Variants in NCKAP5 observed in about 807,000 individuals in gnomAD.
The protein encoded by NCKAP5 is nck-associated protein 5.
In NCKAP5, 92 loss-of-function variants were observed where a neutral mutation model predicts 167.0. The observed-to-expected ratio is 0.55, with a 90% CI of 0.47 to 0.66. The LOEUF (loss-of-function observed/expected upper bound fraction) is 0.66. Ranked by LOEUF, NCKAP5 falls within the 30% of genes least tolerant of loss-of-function variation. The pLI, the probability that NCKAP5 is intolerant of heterozygous loss-of-function variation, is 0.00. For synonymous variants in NCKAP5, 891 were observed against 877.4 expected (o/e 1.02, Z -0.27); for missense variants, 2,378 against 2,315.0 (o/e 1.03, Z -0.56).
At chr2:132,994,699 T>A (rs1487339369) in intron 6 of NCKAP5, among the ~76,000 whole-genome samples, 5 of 152,252 alleles carry the variant, frequency 3.3e-5, no homozygotes, top group African/African-American at 4.8e-5. Context: ...ATTTACTTCA[T>A]TCTTCTCAAC....
chr2:133,015,588 T>C (rs947361453), intron 6 of NCKAP5, among the ~76,000 whole-genome samples: 1 of 152,220 alleles, frequency 6.6e-6, no homozygotes, highest in Non-Finnish European at 1.5e-5. Context: ...AGTGAGCATG[T>C]TGAATGTGCA....
At chr2:133,553,430 C>CGTCA (rs1470350254) in intron 2 of NCKAP5, among the ~76,000 whole-genome samples, 2 of 152,084 alleles carry the variant, frequency 1.3e-5, no homozygotes, top group African/African-American at 4.8e-5. Flanking sequence ...TTTTTAATGT[C>CGTCA]GTCAGCCCAA....
intron 19 of NCKAP5, among the ~76,000 whole-genome samples, chr2:132,684,633 A>G (rs1685691863): frequency 6.6e-6 from 1 of 152,190 alleles, no homozygotes; most frequent in Non-Finnish European, 1.5e-5. Context: ...TGTATTATAA[A>G]CTGCCTTTTG....
chr2:132,763,951 G>A (rs1330016060), intron 16 of NCKAP5, among the ~76,000 whole-genome samples: 1 of 152,142 alleles, frequency 6.6e-6, no homozygotes, highest in Non-Finnish European at 1.5e-5. Context: ...ATAGAATTTA[G>A]CTCCCTGGTG....
At chr2:132,803,560 T>C (rs1685199788) in intron 11 of NCKAP5, among the ~76,000 whole-genome samples, 1 of 152,210 alleles carries the variant, frequency 6.6e-6, no homozygotes. Context: ...GGTTTGGTGA[T>C]TAGAAAGTTT....
intron 19 of NCKAP5, among the ~76,000 whole-genome samples, chr2:132,699,919 T>G (rs977751361): frequency 3.3e-5 from 5 of 152,228 alleles, no homozygotes; most frequent in African/African-American, 1.2e-4. Flanking sequence ...ACTTCCACAA[T>G]GGTTGAACTA....
chr2:133,423,000 AATT>A (rs1689579447), intron 3 of NCKAP5, among the ~76,000 whole-genome samples: 2 of 152,124 alleles, frequency 1.3e-5, no homozygotes. Flanking sequence ...GGTATATTTG[AATT>A]GCAAAACACA....
chr2:133,308,689 C>CTTTTTTTTTTTTTTTTT (rs35760716), intron 3 of NCKAP5, among the ~76,000 whole-genome samples: 1 of 59,254 alleles, frequency 1.7e-5, no homozygotes, highest in African/African-American at 6.3e-5. Flanking sequence ...AAATACAATT[C>CTTTTTTTTTTTTTTTTT]TTTTTTTTTT....
chr2:133,332,341 A>T (rs1682912208), intron 3 of NCKAP5, among the ~76,000 whole-genome samples: 1 of 151,984 alleles, frequency 6.6e-6, no homozygotes, highest in African/African-American at 2.4e-5. Flanking sequence ...AGAATCCAAC[A>T]CTCCAATGCA....
intron 17 of NCKAP5, among the ~76,000 whole-genome samples, chr2:132,730,061 G>T (rs751954044): frequency 3.3e-5 from 5 of 152,178 alleles, no homozygotes; most frequent in Non-Finnish European, 5.9e-5. Flanking sequence ...GCACTGGAAA[G>T]TAGGCCCTGC....
At chr2:133,303,619 T>C (rs573147497) in intron 3 of NCKAP5, among the ~76,000 whole-genome samples, 1 of 151,208 alleles carries the variant, frequency 6.6e-6, no homozygotes, top group Admixed American at 6.6e-5. Context: ...ACTCCATATA[T>C]ACACACAAAA....
chr2:133,644,948 A>C, the NCKAP5 span, among the ~76,000 whole-genome samples: 1 of 152,230 alleles, frequency 6.6e-6, no homozygotes, highest in Non-Finnish European at 1.5e-5. Context: ...AAAATGAGAA[A>C]TCTATGACCA....
At chr2:132,740,100 C>A (rs1156324119) in intron 16 of NCKAP5, among the ~76,000 whole-genome samples, 1 of 152,120 alleles carries the variant, frequency 6.6e-6, no homozygotes, top group African/African-American at 2.4e-5. Context: ...TTCCCCTCTG[C>A]AACCCTCATT....
At chr2:133,232,388 G>C (rs1213884734) in intron 4 of NCKAP5, among the ~76,000 whole-genome samples, 1 of 152,128 alleles carries the variant, frequency 6.6e-6, no homozygotes. Flanking sequence ...ATATATTTCT[G>C]CTTTGGAGAA....
At chr2:133,613,885 C>T in the NCKAP5 span, among the ~76,000 whole-genome samples, 1 of 152,204 alleles carries the variant, frequency 6.6e-6, no homozygotes, top group Non-Finnish European at 1.5e-5. Flanking sequence ...GAAAACAGTA[C>T]TCCTTTTCCT....
chr2:133,609,395 T>C, the NCKAP5 span, among the ~76,000 whole-genome samples: 3 of 152,224 alleles, frequency 2.0e-5, no homozygotes, highest in Non-Finnish European at 2.9e-5. Context: ...GAAAGTCACA[T>C]GAGTTTAATT....
At chr2:132,688,409 CA>C (rs1021790334) in intron 19 of NCKAP5, among the ~76,000 whole-genome samples, 4 of 152,078 alleles carry the variant, frequency 2.6e-5, no homozygotes, top group East Asian at 1.9e-4. Flanking sequence ...CAAAAACACA[CA>C]AAAAAATCAA....
At chr2:133,453,115 T>C (rs1434296889) in intron 3 of NCKAP5, among the ~76,000 whole-genome samples, 2 of 152,250 alleles carry the variant, frequency 1.3e-5, no homozygotes, top group East Asian at 3.9e-4. Flanking sequence ...ACTTGAAGTG[T>C]TTTATTGTCT....
Position 132,889,869 on chromosome 2 carries a change from C to G in NCKAP5, c.580-10953G>C, listed in dbSNP as rs1021023178. On this transcript the variant is annotated intron_variant, in intron 8 of 19. Transcript: ENST00000409261. ...TAAATAAATAAAATAACAAACTGAT[C>G]ATATGCAAATGAAACAGGTAGAAAT... 2.6e-5 allele frequency among the ~76,000 whole-genome samples: 4 copies of G among 152,172 alleles called. 1 individual carries two copies. Among genetic ancestry groups the G allele is most frequent in the Admixed American group, 2.6e-4 (4 of 15,282 alleles).
Sources: gnomAD v4.1 joint callset for allele counts (sites outside exome capture counted in the v4.1 genomes callset) on GRCh38, gnomAD v4.1.1 for gene constraint, MANE v1.5 for transcripts, NCBI Gene and HGNC (gene_info 2026-07-23, HGNC 2026-07-21) for gene names.